Variants in MAML2 observed in about 807,000 individuals in gnomAD.
MAML2 encodes mastermind-like protein 2.
A neutral mutation model predicts 96.1 loss-of-function variants in MAML2; 22 were observed. That is an observed-to-expected ratio of 0.23 (90% confidence interval 0.16 to 0.33). MAML2 has a LOEUF of 0.33. Among genes scored for constraint, MAML2 ranks in the 10% least tolerant of loss-of-function variants. The probability of loss-of-function intolerance (pLI) is 1.00; values close to 1 mark genes in which losing one functional copy is unlikely to be tolerated. For synonymous variants in MAML2, 561 were observed against 521.3 expected (o/e 1.08, Z -1.04); for missense variants, 1,367 against 1,392.4 (o/e 0.98, Z 0.29).
chr11:96,061,595 C>T (rs1263287543), intron 2 of MAML2, among the ~76,000 whole-genome samples: 1 of 152,138 alleles, frequency 6.6e-6, no homozygotes, highest in Non-Finnish European at 1.5e-5. Flanking sequence ...CCATTTTTGA[C>T]ATCAGAATGT....
At chr11:96,121,074 G>A (rs1860331775) in intron 1 of MAML2, among the ~76,000 whole-genome samples, 1 of 15,524 alleles carries the variant, frequency 6.4e-5, no homozygotes, top group Non-Finnish European at 1.1e-4. Flanking sequence ...TCTGAAGGCA[G>A]CCAGAGTCAG....
chr11:96,313,663 GC>G (rs1425720413), intron 1 of MAML2, among the ~76,000 whole-genome samples: 1 of 152,102 alleles, frequency 6.6e-6, no homozygotes, highest in Admixed American at 6.5e-5. Context: ...ATCCTACTAA[GC>G]CAATCCTACA....
intron 1 of MAML2, among the ~76,000 whole-genome samples, chr11:96,281,971 C>A (rs1863073675): frequency 6.6e-6 from 1 of 152,102 alleles, no homozygotes; most frequent in Non-Finnish European, 1.5e-5. Context: ...GACTGTAGGC[C>A]AGGCGCGGTG....
At chr11:96,138,363 A>T (rs565693768) in intron 1 of MAML2, among the ~76,000 whole-genome samples, 1 of 152,058 alleles carries the variant, frequency 6.6e-6, no homozygotes, top group South Asian at 2.1e-4. Flanking sequence ...TGCCTAGGAG[A>T]TCTTTGTATA....
At chr11:96,046,264 T>C (rs1008417195) in intron 2 of MAML2, among the ~76,000 whole-genome samples, 1 of 151,836 alleles carries the variant, frequency 6.6e-6, no homozygotes, top group African/African-American at 2.4e-5. Flanking sequence ...ACGTGATGAA[T>C]TGCAAGAATG....
At chr11:96,028,911 T>A (rs533734754) in intron 2 of MAML2, among the ~76,000 whole-genome samples, 20 of 152,302 alleles carry the variant, frequency 1.3e-4, no homozygotes, top group Middle Eastern at 3.4e-3. Context: ...CCATTTTTTT[T>A]AAAATAAGGC....
intron 1 of MAML2, among the ~76,000 whole-genome samples, chr11:96,151,156 C>T (rs979304727): frequency 2.6e-5 from 4 of 152,128 alleles, no homozygotes; most frequent in East Asian, 1.9e-4. Context: ...TCTAGCCTAC[C>T]GGGACACTTT....
At chr11:96,248,022 T>C (rs991418932) in intron 1 of MAML2, among the ~76,000 whole-genome samples, 1 of 152,132 alleles carries the variant, frequency 6.6e-6, no homozygotes, top group African/African-American at 2.4e-5. Context: ...ATTTTCCCAT[T>C]AATGGTTTTA....
chr11:96,087,679 CT>C (rs1329938059), intron 2 of MAML2, among the ~76,000 whole-genome samples: 2 of 152,156 alleles, frequency 1.3e-5, no homozygotes, highest in Non-Finnish European at 2.9e-5. Flanking sequence ...TGTTTCTCAG[CT>C]TTTTTAGGAC....
intron 1 of MAML2, among the ~76,000 whole-genome samples, chr11:96,245,685 C>T (rs983099440): frequency 1.3e-5 from 2 of 150,408 alleles, no homozygotes; most frequent in Non-Finnish European, 2.9e-5. Context: ...CTATGTTCAC[C>T]TGAATCACAC....
intron 1 of MAML2, among the ~76,000 whole-genome samples, chr11:96,256,163 C>T (rs560011143): frequency 3.3e-5 from 5 of 152,120 alleles, no homozygotes; most frequent in South Asian, 2.1e-4. Flanking sequence ...TGTGACCCAC[C>T]GCACCTGGCC....
intron 1 of MAML2, among the ~76,000 whole-genome samples, chr11:96,266,957 A>T (rs1351970629): frequency 1.3e-5 from 2 of 152,244 alleles, no homozygotes; most frequent in East Asian, 3.8e-4. Context: ...CCCATTGAGC[A>T]AATCATACAT....
At chr11:96,243,113 C>T (rs2135961804) in intron 1 of MAML2, among the ~76,000 whole-genome samples, 1 of 145,350 alleles carries the variant, frequency 6.9e-6, no homozygotes, top group East Asian at 2.1e-4. Flanking sequence ...ACTTCCCTTG[C>T]AAAAGTTACA....
intron 4 of MAML2, among the ~76,000 whole-genome samples, chr11:95,981,859 A>T (rs1052972346): frequency 1.3e-5 from 2 of 152,228 alleles, no homozygotes; most frequent in African/African-American, 2.4e-5. Flanking sequence ...TTTAAAAATT[A>T]TCACCTGTAG....
intron 1 of MAML2, among the ~76,000 whole-genome samples, chr11:96,136,397 T>C (rs1860633168): frequency 1.3e-5 from 2 of 151,274 alleles, no homozygotes. Flanking sequence ...TATTTAAAGA[T>C]GTTGTTGATT....
At chr11:96,121,192 C>T (rs915745643) in intron 1 of MAML2, among the ~76,000 whole-genome samples, 4 of 152,156 alleles carry the variant, frequency 2.6e-5, no homozygotes, top group African/African-American at 7.2e-5. Context: ...GAAGAGAATC[C>T]AAACCCCATC....
intron 2 of MAML2, among the ~76,000 whole-genome samples, chr11:96,055,524 T>G (rs759788710): frequency 1.6e-4 from 25 of 152,194 alleles, no homozygotes; most frequent in Non-Finnish European, 3.2e-4. Context: ...CTCTCTATAC[T>G]TTGTATGAAA....
At chr11:96,231,633 C>A (rs1202595838) in intron 1 of MAML2, among the ~76,000 whole-genome samples, 5 of 152,124 alleles carry the variant, frequency 3.3e-5, no homozygotes, top group South Asian at 2.1e-4. Flanking sequence ...ATATTTAAGA[C>A]CTTATGAAAA....
intron 3 of MAML2, among the ~76,000 whole-genome samples, chr11:95,986,445 C>T (rs7952011): frequency 0.029 from 4,453 of 152,048 alleles, 100 homozygotes; most frequent in Middle Eastern, 0.082. Flanking sequence ...CATGATCCAC[C>T]CAGCTCAGCC....
Sources: gnomAD v4.1 joint callset for allele counts (sites outside exome capture counted in the v4.1 genomes callset) on GRCh38, gnomAD v4.1.1 for gene constraint, MANE v1.5 for transcripts, NCBI Gene and HGNC (gene_info 2026-07-23, HGNC 2026-07-21) for gene names.